Variants in CAPN7 observed in about 807,000 individuals in gnomAD.
The protein encoded by CAPN7 is calpain-7.
In CAPN7, 72 loss-of-function variants were observed where a neutral mutation model predicts 115.2. The observed-to-expected ratio is 0.63, with a 90% CI of 0.52 to 0.76. The LOEUF (loss-of-function observed/expected upper bound fraction) is 0.76. CAPN7 is among the 30% of genes least tolerant of loss of function. The pLI, the probability that CAPN7 is intolerant of heterozygous loss-of-function variation, is 0.00. For missense variants in CAPN7, 905 were observed against 971.5 expected (o/e 0.93, Z 0.91); for synonymous variants, 344 against 322.3 (o/e 1.07, Z -0.72).
At position 15,222,932 on chromosome 3, in the gene CAPN7, A is replaced by G. The variant is rs1262736703; in HGVS notation, c.639-543A>G. ...AGAATAAGGGAGAGAAACAGATACA[A>G]GAAGGAAATAGTTAATATAGATAAA... On this transcript the variant is annotated intron_variant, in intron 5 of 20. Coordinates refer to ENST00000253693, the MANE Select transcript of CAPN7 (RefSeq NM_014296.3). 4.6e-5 allele frequency among the ~76,000 whole-genome samples: 7 copies of G among 152,248 alleles called. No individual in the cohort carries two copies. In the East Asian group the frequency reaches 1.3e-3, roughly 29 times the overall value.
intron 6 of CAPN7, among the ~76,000 whole-genome samples, chr3:15,226,232 G>A (rs562232282): frequency 4.6e-4 from 70 of 151,750 alleles, no homozygotes; most frequent in African/African-American, 1.7e-3. Flanking sequence ...CCCACCACAC[G>A]CCCGACTAAT....
At chr3:15,228,935 GTGAA>G in intron 7 of CAPN7, 35 bp from the exon 8 acceptor site, 2 of 1,447,802 alleles carry the variant, frequency 1.4e-6, no homozygotes, top group Non-Finnish European at 1.9e-6. Context: ...TTGAAATTAC[GTGAA>G]TGAATATGAA....
At chr3:15,228,840 C>G in intron 7 of CAPN7, 134 bp from the exon 8 acceptor site, 2 of 635,520 alleles carry the variant, frequency 3.1e-6, no homozygotes, top group Non-Finnish European at 5.5e-6. Context: ...CACATGTACC[C>G]CCGAACCTAA....
At chr3:15,227,291 C>T (rs9869258) in intron 6 of CAPN7, among the ~76,000 whole-genome samples, 3,236 of 152,152 alleles carry the variant, frequency 0.021, 131 homozygotes, top group African/African-American at 0.072. Context: ...AGGTGTCTGA[C>T]CTTGGTAAGT....
At chr3:15,218,808 G>A (rs1472380103) in intron 4 of CAPN7, among the ~76,000 whole-genome samples, 1 of 152,210 alleles carries the variant, frequency 6.6e-6, no homozygotes, top group Non-Finnish European at 1.5e-5. Flanking sequence ...CCTCCTTTCT[G>A]TTATGTAATA....
In CAPN7 at chr3:15,251,551, A is replaced by G; in HGVS notation, c.*291A>G. Reference sequence around the variant, plus strand: ...CATATGATTAAAATTAGACTCAGTCATCACTGTGAGATGCCTTTGCTAAGA... The same window carrying G: ...CATATGATTAAAATTAGACTCAGTCGTCACTGTGAGATGCCTTTGCTAAGA... On this transcript the variant is annotated 3_prime_UTR_variant, in exon 21 of 21. Transcript: ENST00000253693. The G allele has an allele frequency of 4.6e-6, 1 of 217,162 alleles. No homozygotes were observed. Among genetic ancestry groups the G allele is most frequent in the Non-Finnish European group, 9.0e-6 (1 of 110,996 alleles). 13.5% of individuals were successfully genotyped at this position (217,162 alleles called of 1,614,324 possible).
intron 12 of CAPN7, among the ~76,000 whole-genome samples, chr3:15,238,108 C>CTTTTTTTTTTT (rs34203410): frequency 5.2e-5 from 3 of 58,190 alleles, no homozygotes; most frequent in African/African-American, 7.6e-5. Context: ...ATTCTGACTT[C>CTTTTTTTTTTT]TTTTTTTTTT....
intron 12 of CAPN7, among the ~76,000 whole-genome samples, chr3:15,236,533 A>G (rs536189302): frequency 1.4e-4 from 22 of 152,372 alleles, no homozygotes; most frequent in Middle Eastern, 3.4e-3. Flanking sequence ...TGTGTGGCAC[A>G]TGGATTTACA....
At chr3:15,228,547 A>G (rs1340343705) in intron 7 of CAPN7, among the ~76,000 whole-genome samples, 1 of 152,218 alleles carries the variant, frequency 6.6e-6, no homozygotes, top group Non-Finnish European at 1.5e-5. Context: ...AGAGAACGAG[A>G]TGTCTTTTGT....
At chr3:15,237,815 A>T (rs1171546842) in intron 12 of CAPN7, among the ~76,000 whole-genome samples, 1 of 151,834 alleles carries the variant, frequency 6.6e-6, no homozygotes, top group Non-Finnish European at 1.5e-5. Context: ...ACAATAAATA[A>T]TTTTTTAAAA....
In CAPN7 at chr3:15,240,730, A is replaced by G. The variant is rs114876458; in HGVS notation, c.1553-24A>G. ...TCATTTAGCATTAAGATTTTTTTAG[A>G]TTAACAAAGATATTAATTTTCAGGA... On this transcript the variant is annotated intron_variant, in intron 13 of 20. Transcript: ENST00000253693. 3.9e-4 allele frequency: 623 copies of G among 1,579,218 alleles called. 2 individuals are homozygous for G. The African/African-American group carries it at 7.3e-3, about 19-fold the overall frequency.
At chr3:15,234,204 T>A (rs1030486367) in intron 11 of CAPN7, among the ~76,000 whole-genome samples, 21 of 152,134 alleles carry the variant, frequency 1.4e-4, no homozygotes, top group Non-Finnish European at 7.4e-5. Context: ...TAATCCCAGC[T>A]ACTCAGGAGG....
intron 14 of CAPN7, 105 bp from the exon 15 acceptor site, chr3:15,241,344 AAAAC>A (rs544572700): frequency 7.7e-5 from 90 of 1,169,900 alleles, no homozygotes; most frequent in Non-Finnish European, 1.0e-4. Flanking sequence ...TAAAAACAGT[AAAAC>A]AAAACCAAAA....
At chr3:15,238,982 G>C (rs1695181329) in intron 12 of CAPN7, among the ~76,000 whole-genome samples, 1 of 149,824 alleles carries the variant, frequency 6.7e-6, no homozygotes, top group African/African-American at 2.5e-5. Flanking sequence ...GTCTGTCTCT[G>C]AAAAGCTTAG....
At chr3:15,242,320 GA>G (rs1695397493) in intron 16 of CAPN7, 67 bp downstream of exon 16, 3 of 993,230 alleles carry the variant, frequency 3.0e-6, no homozygotes, top group Non-Finnish European at 3.0e-6. Flanking sequence ...TGATTAAGTT[GA>G]AAAATGACAC....
At chr3:15,241,359 AC>A (rs1695337949) in intron 14 of CAPN7, 93 bp from the exon 15 acceptor site, 1 of 1,322,722 alleles carries the variant, frequency 7.6e-7, no homozygotes, top group African/African-American at 1.5e-5. Flanking sequence ...AAAACCAAAA[AC>A]TTGGATAGCT....
At chr3:15,210,994 TGAG>T (rs1464657744) in intron 1 of CAPN7, 16 of 1,067,146 alleles carry the variant, frequency 1.5e-5, no homozygotes, top group South Asian at 2.3e-5. Context: ...GGAATGGTGA[TGAG>T]GAGAATGGAA....
intron 12 of CAPN7, among the ~76,000 whole-genome samples, chr3:15,235,710 CAG>C (rs556888457): frequency 1.6e-3 from 239 of 152,294 alleles, no homozygotes; most frequent in African/African-American, 4.6e-3. Flanking sequence ...ACTGATCTGA[CAG>C]GGGGCAGAGC....
intron 4 of CAPN7, among the ~76,000 whole-genome samples, chr3:15,219,714 A>C (rs1171700229): frequency 6.6e-6 from 1 of 152,178 alleles, no homozygotes; most frequent in Non-Finnish European, 1.5e-5. Context: ...TTTTCACAAG[A>C]ATCCTGAAGC....
Sources: allele counts gnomAD v4.1 joint callset (sites outside exome capture counted in the v4.1 genomes callset), GRCh38; gene constraint gnomAD v4.1.1; transcripts MANE v1.5; gene names NCBI Gene and HGNC (gene_info 2026-07-23, HGNC 2026-07-21).